PLCG2: variants seen among roughly 807,000 people sequenced by gnomAD.
The protein encoded by PLCG2 is phospholipase C gamma 2.
Under a neutral mutation model 175.6 loss-of-function variants are expected in PLCG2, and 69 were observed. That is an observed-to-expected ratio of 0.39 (90% CI 0.32 to 0.48). The LOEUF (loss-of-function observed/expected upper bound fraction) is 0.48. Among genes scored for constraint, PLCG2 ranks in the 20% least tolerant of loss-of-function variants. The probability of loss-of-function intolerance (pLI) is 0.91; values close to 1 mark genes in which losing one functional copy is unlikely to be tolerated. For missense variants in PLCG2, 1,798 were observed against 1,650.9 expected, an observed-to-expected ratio of 1.09 and a Z score of -1.54; for synonymous variants, 827 against 624.0, an observed-to-expected ratio of 1.33 and a Z score of -4.85.
chr16:81,895,982 G>C, intron 13 of PLCG2, 55 bp downstream of exon 13: 8 of 1,606,574 alleles, frequency 5.0e-6, no homozygotes, highest in Non-Finnish European at 6.8e-6. Flanking sequence ...AGCTAGGGTT[G>C]GATAGACAGA....
chr16:81,821,763 G>T (rs866429873), intron 2 of PLCG2, among the ~76,000 whole-genome samples: 1 of 152,180 alleles, frequency 6.6e-6, no homozygotes, highest in Non-Finnish European at 1.5e-5. Context: ...AGCAACTGGG[G>T]GCAGTGGCAA....
chr16:81,779,880 G>T lies in PLCG2; in HGVS notation c.-48+456G>T, dbSNP rs574266960. Among the ~76,000 whole-genome samples the T allele has an allele frequency of 2.6e-5, 4 of 152,362 alleles. No individual in the cohort carries two copies. In the South Asian group the frequency reaches 8.3e-4, roughly 32 times the overall value. On this transcript the variant is annotated intron_variant, in intron 1 of 32. Coordinates refer to ENST00000564138, the MANE Select transcript of PLCG2 (RefSeq NM_002661.5). ...GCGGGTGGCGGGTGGGAGCGATACC[G>T]CGGGAGGCGCAGTCCTTCCCGGAGA... is the stretch of plus-strand genomic sequence containing the variant.
In PLCG2 at chr16:81,801,022, C is replaced by G. The variant is rs55885812; in HGVS notation, c.193+14840C>G. On this transcript the variant is annotated intron_variant, in intron 2 of 32. Coordinates refer to ENST00000564138, the MANE Select transcript of PLCG2 (RefSeq NM_002661.5). The stretch of plus-strand genomic sequence containing the variant: ...GAAAAGGCAAAGGAACTCATTCTCC[C>G]CTAGAGGGTCTGGAGAAAGCTTGTC... Among the ~76,000 whole-genome samples, 1,131 of 152,204 alleles carry G rather than the reference C, an allele frequency of 7.4e-3. 3 individuals are homozygous for G. Among genetic ancestry groups the G allele is most frequent in the Non-Finnish European group, 0.013 (852 of 68,014 alleles).
chr16:81,830,780 A>G (rs957692388), intron 2 of PLCG2, among the ~76,000 whole-genome samples: 2 of 151,874 alleles, frequency 1.3e-5, no homozygotes, highest in Admixed American at 6.6e-5. Flanking sequence ...AGACTGACAG[A>G]CACAGTGTGT....
chr16:81,815,935 G>A (rs975044076), intron 2 of PLCG2, among the ~76,000 whole-genome samples: 8 of 151,786 alleles, frequency 5.3e-5, no homozygotes, highest in Admixed American at 1.3e-4. Flanking sequence ...GGTGACTTGC[G>A]CCTGTAATCC....
chr16:81,923,828 T>A (rs963002567), intron 22 of PLCG2, among the ~76,000 whole-genome samples: 1 of 152,242 alleles, frequency 6.6e-6, no homozygotes, highest in African/African-American at 2.4e-5. Context: ...TGTATATTAT[T>A]ATAATTACAA....
At chr16:81,875,825 C>G (rs1019526828) in intron 7 of PLCG2, among the ~76,000 whole-genome samples, 3 of 152,050 alleles carry the variant, frequency 2.0e-5, no homozygotes, top group Non-Finnish European at 4.4e-5. Flanking sequence ...TCCAGTAAGG[C>G]ATTGAAGGAT....
intron 2 of PLCG2, among the ~76,000 whole-genome samples, chr16:81,774,068 A>T (rs991638568): frequency 2.7e-5 from 4 of 149,116 alleles, no homozygotes; most frequent in Non-Finnish European, 5.9e-5. Flanking sequence ...ACAGTGACTT[A>T]TGCCTGTAAT....
At chr16:81,926,903 A>T (rs185216680) in intron 22 of PLCG2, among the ~76,000 whole-genome samples, 179 bp from the exon 23 acceptor site, 24 of 152,364 alleles carry the variant, frequency 1.6e-4, no homozygotes, top group Admixed American at 1.6e-3. Flanking sequence ...GTAATTAAAA[A>T]ATAAAAAGAC....
chr16:81,787,567 G>A (rs1911035195), intron 2 of PLCG2, among the ~76,000 whole-genome samples: 1 of 148,000 alleles, frequency 6.8e-6, no homozygotes, highest in African/African-American at 2.5e-5. Flanking sequence ...GATTGATTGA[G>A]ACATAATTCA....
intron 2 of PLCG2, among the ~76,000 whole-genome samples, chr16:81,853,158 C>T (rs1344955498): frequency 6.6e-6 from 1 of 152,072 alleles, no homozygotes; most frequent in Non-Finnish European, 1.5e-5. Flanking sequence ...TGATGAAACC[C>T]CATCTCTACT....
At chr16:81,822,176 T>C (rs747378908) in intron 2 of PLCG2, among the ~76,000 whole-genome samples, 2 of 151,754 alleles carry the variant, frequency 1.3e-5, no homozygotes, top group Non-Finnish European at 2.9e-5. Context: ...TGTGGTGGGG[T>C]GTGGGGGATT....
intron 13 of PLCG2, chr16:81,898,079 T>G (rs1908978336): frequency 3.5e-6 from 1 of 289,706 alleles, no homozygotes; most frequent in Non-Finnish European, 6.9e-6. Flanking sequence ...CAGTGGCAGC[T>G]TACACTCTGC....
intron 2 of PLCG2, chr16:81,767,402 A>C (rs932428473): frequency 1.3e-5 from 2 of 151,920 alleles, no homozygotes; most frequent in Non-Finnish European, 2.9e-5. Context: ...GCCTTGGCCT[A>C]CCAAAGTGCT....
chr16:81,835,194 A>G (rs1045609322), intron 2 of PLCG2, among the ~76,000 whole-genome samples: 7 of 152,198 alleles, frequency 4.6e-5, no homozygotes, highest in African/African-American at 1.7e-4. Flanking sequence ...TGGGTATAAT[A>G]ATGACTCCTC....
intron 2 of PLCG2, among the ~76,000 whole-genome samples, chr16:81,808,084 A>G (rs1474621897): frequency 6.6e-6 from 1 of 152,216 alleles, no homozygotes; most frequent in East Asian, 1.9e-4. Context: ...GCTATTATGA[A>G]TAGTGCTGCT....
intron 2 of PLCG2, among the ~76,000 whole-genome samples, chr16:81,824,454 G>T (rs1463013877): frequency 3.3e-5 from 5 of 152,134 alleles, no homozygotes; most frequent in Admixed American, 6.5e-5. Flanking sequence ...ATTTTCTTGT[G>T]ATTTGTCAGC....
intron 1 of PLCG2, among the ~76,000 whole-genome samples, chr16:81,782,003 C>G (rs1378921706): frequency 6.6e-6 from 1 of 152,082 alleles, no homozygotes; most frequent in Non-Finnish European, 1.5e-5. Flanking sequence ...TCACGAGTAG[C>G]TGGGATTACA....
chr16:81,758,217 A>G (rs1442190137), intron 2 of PLCG2, among the ~76,000 whole-genome samples: 3 of 152,142 alleles, frequency 2.0e-5, no homozygotes, highest in Admixed American at 6.5e-5. Flanking sequence ...GGCTCAAGCG[A>G]TCTGCCTGCC....
Sources: allele counts gnomAD v4.1 joint callset (sites outside exome capture counted in the v4.1 genomes callset), GRCh38; gene constraint gnomAD v4.1.1; transcripts MANE v1.5; gene names NCBI Gene and HGNC (gene_info 2026-07-23, HGNC 2026-07-21).